Variants in MAP7 observed in about 807,000 individuals in gnomAD.
MAP7 encodes the protein microtubule associated protein 7.
Under a neutral mutation model 94.8 loss-of-function variants are expected in MAP7, and 52 were observed. The observed-to-expected ratio is 0.55, with a 90% CI of 0.44 to 0.69. The LOEUF (loss-of-function observed/expected upper bound fraction) is 0.69, where lower values mean the gene tolerates loss of function less well. Among genes scored for constraint, MAP7 ranks in the 30% least tolerant of loss-of-function variants. The pLI, the probability that MAP7 is intolerant of heterozygous loss-of-function variation, is 0.00. For synonymous variants in MAP7, 350 were observed against 357.0 expected, an observed-to-expected ratio of 0.98 and a Z score of 0.22; for missense variants, 940 against 964.6, an observed-to-expected ratio of 0.97 and a Z score of 0.34.
At chr6:136,449,280 G>A in intron 1 of MAP7, among the ~76,000 whole-genome samples, 1 of 151,642 alleles carries the variant, frequency 6.6e-6, no homozygotes, top group East Asian at 1.9e-4. Context: ...GGGCCACAGA[G>A]CAAGACTCCT....
chr6:136,461,809 T>C (rs1805312638), intron 1 of MAP7, among the ~76,000 whole-genome samples: 2 of 152,204 alleles, frequency 1.3e-5, no homozygotes, highest in African/African-American at 4.8e-5. Context: ...GTTTTCTCTC[T>C]AAACACTATT....
intron 7 of MAP7, among the ~76,000 whole-genome samples, chr6:136,376,912 C>A (rs185574092): frequency 6.6e-6 from 1 of 152,264 alleles, no homozygotes; most frequent in Admixed American, 6.5e-5. Flanking sequence ...GGGCAAAGCA[C>A]TTTTAAAGTG....
chr6:136,480,960 G>A (rs2128963863), intron 1 of MAP7, among the ~76,000 whole-genome samples: 1 of 152,212 alleles, frequency 6.6e-6, no homozygotes, highest in South Asian at 2.1e-4. Context: ...CGGGCAAAAG[G>A]TCTAAATAAA....
At position 136,393,798 on chromosome 6, in the gene MAP7, A is replaced by AT. The variant is rs61666828; in HGVS notation, c.245-4282dup. On this transcript the variant is annotated intron_variant, in intron 3 of 17. Transcript: ENST00000354570. ...GGTACATGCTACCACATTCAGCAAA[A>AT]TTTTTTTTTTTTTTTTTTTTTTTTT... 7.5e-3 allele frequency among the ~76,000 whole-genome samples: 632 copies of AT among 84,392 alleles called. 12 individuals are homozygous for AT. Among genetic ancestry groups the AT allele is most frequent in the African/African-American group, 0.017 (381 of 22,766 alleles). The allele number at this position is 84,392 out of a possible 152,430, so 55.4% of individuals were successfully genotyped here. A position where few individuals can be genotyped will look rare whatever the true frequency, so the allele number is the denominator to read the frequency against.
At chr6:136,360,500 C>T (rs926411494) in intron 13 of MAP7, among the ~76,000 whole-genome samples, 197 bp downstream of exon 13, 5 of 152,150 alleles carry the variant, frequency 3.3e-5, no homozygotes, top group African/African-American at 1.2e-4. Flanking sequence ...CCTTAAGCTA[C>T]ATGAAGTGGA....
At chr6:136,399,466 C>T (rs1783445716) in intron 3 of MAP7, among the ~76,000 whole-genome samples, 1 of 151,984 alleles carries the variant, frequency 6.6e-6, no homozygotes, top group Non-Finnish European at 1.5e-5. Flanking sequence ...GGCCTCAGCT[C>T]CTGAGTAGCT....
chr6:136,540,676 A>C (rs1829235986), intron 1 of MAP7, among the ~76,000 whole-genome samples: 1 of 152,228 alleles, frequency 6.6e-6, no homozygotes. Context: ...AGGTGCACAC[A>C]CTTGACACCA....
chr6:136,403,290 C>T (rs987370985), intron 3 of MAP7, among the ~76,000 whole-genome samples: 1 of 152,194 alleles, frequency 6.6e-6, no homozygotes, highest in Non-Finnish European at 1.5e-5. Context: ...GGTGAGATGT[C>T]GTCAGCTCTT....
intron 1 of MAP7, among the ~76,000 whole-genome samples, chr6:136,483,753 T>C (rs886820078): frequency 2.0e-5 from 3 of 152,192 alleles, no homozygotes; most frequent in Non-Finnish European, 4.4e-5. Flanking sequence ...AGTAAACTTC[T>C]TACCTACTCC....
At chr6:136,419,611 C>A (rs1322305430) in intron 2 of MAP7, among the ~76,000 whole-genome samples, 1 of 152,280 alleles carries the variant, frequency 6.6e-6, no homozygotes, top group East Asian at 1.9e-4. Context: ...TCCCAATAAG[C>A]TCTTATTTTT....
At chr6:136,344,582 A>T (rs1477030131) in intron 17 of MAP7, among the ~76,000 whole-genome samples, 1 of 152,216 alleles carries the variant, frequency 6.6e-6, no homozygotes, top group Non-Finnish European at 1.5e-5. Context: ...GTTGGAGGTT[A>T]AATAAATGTT....
chr6:136,377,845 A>G lies in MAP7; in HGVS notation c.661T>C (p.Trp221Arg). The stretch of plus-strand genomic sequence containing the variant: ...AGTCTGTTAACAACGCTGCTCTCCC[A>G]TGGGCTGAGCTGCAGGCGGCGAGCT... ...DRARRLQLSP[W>R]ESSVVNRLLT... Residue 221 changes from tryptophan (W) to arginine (R), a missense_variant, in exon 7 of 18, where the codon TGG becomes CGG. Transcript: ENST00000354570. The G allele has an allele frequency of 6.2e-7, 1 of 1,613,744 alleles. No individual in the cohort carries two copies.
chr6:136,421,183 C>G (rs569686053), intron 2 of MAP7, among the ~76,000 whole-genome samples: 1 of 152,282 alleles, frequency 6.6e-6, no homozygotes, highest in South Asian at 2.1e-4. Flanking sequence ...TGAAATTACT[C>G]TGTAGGCATA....
chr6:136,377,656 G>C, intron 7 of MAP7, 99 bp downstream of exon 7: 1 of 852,998 alleles, frequency 1.2e-6, no homozygotes. Flanking sequence ...CGGGGGAAGA[G>C]AGAAGCGCAT....
chr6:136,345,532 C>G (rs777976950), intron 17 of MAP7, among the ~76,000 whole-genome samples: 7 of 152,170 alleles, frequency 4.6e-5, no homozygotes, highest in Non-Finnish European at 1.0e-4. Flanking sequence ...GGAGACAGCC[C>G]TGTCTTTCTA....
chr6:136,454,919 T>C (rs1802412568), intron 1 of MAP7, among the ~76,000 whole-genome samples: 1 of 151,864 alleles, frequency 6.6e-6, no homozygotes, highest in South Asian at 2.1e-4. Context: ...ATAAAAAACA[T>C]CTCCAGTTAC....
intron 1 of MAP7, among the ~76,000 whole-genome samples, chr6:136,448,148 C>A (rs962511817): frequency 6.6e-6 from 1 of 151,916 alleles, no homozygotes; most frequent in African/African-American, 2.4e-5. Context: ...GCCGAGATCA[C>A]GCCACTGCAC....
intron 1 of MAP7, among the ~76,000 whole-genome samples, chr6:136,462,342 AT>A (rs1805527607): frequency 6.6e-6 from 1 of 152,126 alleles, no homozygotes; most frequent in Non-Finnish European, 1.5e-5. Flanking sequence ...GAACTTGAGC[AT>A]TTTTAGGTTG....
intron 5 of MAP7, among the ~76,000 whole-genome samples, chr6:136,386,099 T>C (rs1389131337): frequency 3.3e-5 from 5 of 152,182 alleles, no homozygotes; most frequent in Admixed American, 6.5e-5. Context: ...AGACCAGTGC[T>C]AGTCGATGGC....
Sources: gnomAD v4.1 joint callset for allele counts (sites outside exome capture counted in the v4.1 genomes callset) on GRCh38, gnomAD v4.1.1 for gene constraint, MANE v1.5 for transcripts, NCBI Gene and HGNC (gene_info 2026-07-23, HGNC 2026-07-21) for gene names.